The following GRID1 variants were observed in gnomAD, a reference collection of about 807,000 sequenced individuals.
GRID1 encodes glutamate ionotropic receptor delta type subunit 1.
A neutral mutation model predicts 98.0 loss-of-function variants in GRID1; 28 were observed. The observed-to-expected ratio is 0.29, with a 90% confidence interval of 0.21 to 0.39. The LOEUF is 0.39. Ranked by LOEUF, GRID1 falls within the 10% of genes least tolerant of loss-of-function variation. GRID1 has a pLI of 1.00. For missense variants in GRID1, 1,111 were observed against 1,340.5 expected (o/e 0.83, Z 2.67); for synonymous variants, 553 against 538.5 (o/e 1.03, Z -0.37).
intron 2 of GRID1, among the ~76,000 whole-genome samples, chr10:86,352,731 C>G (rs1231991432): frequency 6.6e-6 from 1 of 152,208 alleles, no homozygotes; most frequent in African/African-American, 2.4e-5. Flanking sequence ...CATAACACTT[C>G]TAGACCTTCC....
At chr10:86,362,304 A>C (rs897953973) in intron 2 of GRID1, among the ~76,000 whole-genome samples, 1 of 152,164 alleles carries the variant, frequency 6.6e-6, no homozygotes, top group African/African-American at 2.4e-5. Flanking sequence ...CCCTGGCTGG[A>C]GCCCACCCCA....
intron 8 of GRID1, among the ~76,000 whole-genome samples, chr10:85,819,341 T>C (rs57869035): frequency 0.069 from 10,464 of 152,260 alleles, 398 homozygotes; most frequent in Non-Finnish European, 0.081. Flanking sequence ...TTTTGACAAG[T>C]ACCCACAACT....
At chr10:85,910,790 T>C (rs1413917722) in intron 5 of GRID1, among the ~76,000 whole-genome samples, 1 of 152,184 alleles carries the variant, frequency 6.6e-6, no homozygotes, top group African/African-American at 2.4e-5. Context: ...ATCAGGCATG[T>C]GCATCAATTC....
At chr10:85,771,563 G>A (rs1842268162) in intron 8 of GRID1, among the ~76,000 whole-genome samples, 1 of 152,216 alleles carries the variant, frequency 6.6e-6, no homozygotes, top group East Asian at 1.9e-4. Context: ...TCAGTGTGCT[G>A]TATTCAGGAA....
intron 3 of GRID1, among the ~76,000 whole-genome samples, chr10:86,193,990 CCCTG>C (rs1340839401): frequency 6.6e-6 from 1 of 152,036 alleles, no homozygotes; most frequent in Non-Finnish European, 1.5e-5. Context: ...TGGATTTTGT[CCCTG>C]ACTTTCTGCC....
intron 2 of GRID1, among the ~76,000 whole-genome samples, chr10:86,319,691 A>T (rs561313547): frequency 4.6e-5 from 7 of 152,196 alleles, no homozygotes; most frequent in Non-Finnish European, 8.8e-5. Flanking sequence ...TCCATGAGAT[A>T]ATCTGGGAGG....
At position 86,192,382 on chromosome 10, in the gene GRID1, CCA is replaced by C. The variant is rs1256031788; in HGVS notation, c.520+13980_520+13981del. ...AAAAGGAAGGACGTTCTGATGCATG[CCA>C]CAGTGTGGAGGAAAGTAGAAAGCAC... On this transcript the variant is annotated intron_variant, in intron 3 of 15. Transcript: ENST00000327946. The surrounding 1 kb of genome is among the most constrained non-coding windows in gnomAD (Gnocchi z 4.8). Among the ~76,000 whole-genome samples the C allele has an allele frequency of 6.6e-6, 1 of 152,164 alleles. No individual in the cohort carries two copies. The highest frequency in any genetic ancestry group is 1.5e-5 in the Non-Finnish European group (1 of 68,020).
intron 2 of GRID1, among the ~76,000 whole-genome samples, chr10:86,359,283 G>A (rs866368784): frequency 1.3e-5 from 2 of 152,128 alleles, no homozygotes; most frequent in African/African-American, 4.8e-5. Flanking sequence ...GCGTGGCCTC[G>A]ATGGGACCTA....
intron 2 of GRID1, among the ~76,000 whole-genome samples, chr10:86,344,236 G>A (rs1848351462): frequency 6.6e-6 from 1 of 152,242 alleles, no homozygotes; most frequent in African/African-American, 2.4e-5. Context: ...CCCACTGTAT[G>A]CACACCATGT....
At chr10:85,820,500 A>T (rs1282820315) in intron 8 of GRID1, among the ~76,000 whole-genome samples, 1 of 152,166 alleles carries the variant, frequency 6.6e-6, no homozygotes, top group East Asian at 1.9e-4. Flanking sequence ...CCAAGGTCTG[A>T]TTTTTCAAAT....
intron 4 of GRID1, among the ~76,000 whole-genome samples, chr10:86,024,608 G>C (rs1466325198): frequency 6.6e-6 from 1 of 152,186 alleles, no homozygotes; most frequent in African/African-American, 2.4e-5. Context: ...ATCTGAGCCA[G>C]GTGAGGGCTC....
intron 4 of GRID1, among the ~76,000 whole-genome samples, chr10:86,089,473 G>A (rs2131937215): frequency 6.6e-6 from 1 of 152,308 alleles, no homozygotes; most frequent in Admixed American, 6.5e-5. Context: ...GAAGGCGTAA[G>A]GAAGACCCAT....
rs117887395 is a variant in GRID1 at position 86,198,819 on chromosome 10, C to T, written c.520+7545G>A. Among the ~76,000 whole-genome samples the T allele has an allele frequency of 9.3e-4, 141 of 152,282 alleles. 2 individuals carry two copies. The East Asian group carries it at 0.018, about 20-fold the overall frequency. ...CTACCAAGGTTGCCTAGTGCCCACA[C>T]GCACTGCCATGAGGGAAGAATGTTG... On this transcript the variant is annotated intron_variant, in intron 3 of 15. Transcript: ENST00000327946.
Position 85,744,060 on chromosome 10 carries a change from T to C in GRID1, c.1234-14446A>G, listed in dbSNP as rs140546446. Reference sequence around the variant, plus strand: ...ATTCCAAAATAAGAGAGGTTCTCAATGCAAAGATCAACTCCTGCAGACTAG... The same window carrying C: ...ATTCCAAAATAAGAGAGGTTCTCAACGCAAAGATCAACTCCTGCAGACTAG... On this transcript the variant is annotated intron_variant, in intron 8 of 15. Transcript: ENST00000327946. Among the ~76,000 whole-genome samples the C allele has an allele frequency of 3.8e-3, 581 of 152,270 alleles. 3 individuals are homozygous for C. Among genetic ancestry groups the C allele is most frequent in the African/African-American group, 0.013 (544 of 41,552 alleles).
chr10:85,903,245 T>G (rs748066933), intron 5 of GRID1, among the ~76,000 whole-genome samples: 2 of 152,158 alleles, frequency 1.3e-5, no homozygotes, highest in Non-Finnish European at 2.9e-5. Context: ...CCCTGAAATA[T>G]TCAATCTCCT....
chr10:86,032,778 C>G (rs1843204741), intron 4 of GRID1, among the ~76,000 whole-genome samples: 1 of 149,792 alleles, frequency 6.7e-6, no homozygotes, highest in African/African-American at 2.5e-5. Context: ...GCCCTATGAC[C>G]CTGCCAAATC....
chr10:86,093,010 A>G (rs1283092362), intron 4 of GRID1, among the ~76,000 whole-genome samples: 1 of 152,200 alleles, frequency 6.6e-6, no homozygotes. Flanking sequence ...AATTTAAGAA[A>G]ATTCAAATTA....
chr10:85,778,070 T>C (rs1842348281), intron 8 of GRID1, among the ~76,000 whole-genome samples: 1 of 152,164 alleles, frequency 6.6e-6, no homozygotes. Context: ...GTTGTGGAAT[T>C]CAAGAGATAA....
At chr10:85,771,668 C>T (rs11201783) in intron 8 of GRID1, among the ~76,000 whole-genome samples, 58,935 of 151,996 alleles carry the variant, frequency 0.39, 12,774 homozygotes, top group East Asian at 0.61. Flanking sequence ...GCAGGGGTTG[C>T]AATCCTAGTC....
Sources: allele counts gnomAD v4.1 joint callset (sites outside exome capture counted in the v4.1 genomes callset), GRCh38; gene constraint gnomAD v4.1.1; non-coding constraint Gnocchi (gnomAD v3.1); transcripts MANE v1.5; gene names NCBI Gene and HGNC (gene_info 2026-07-23, HGNC 2026-07-21).